CACNA1I: variants seen among roughly 807,000 people sequenced by gnomAD.
CACNA1I encodes the protein voltage-dependent T-type calcium channel subunit alpha-1I.
A neutral mutation model predicts 201.6 loss-of-function variants in CACNA1I; 74 were observed. The observed-to-expected ratio is 0.37, with a 90% CI of 0.30 to 0.45. The LOEUF (loss-of-function observed/expected upper bound fraction) is 0.45. CACNA1I is among the 20% of genes least tolerant of loss of function. The probability of loss-of-function intolerance (pLI) is 1.00; values close to 1 mark genes in which losing one functional copy is unlikely to be tolerated. For synonymous variants in CACNA1I, 1,431 were observed against 1,345.2 expected (o/e 1.06, Z -1.40); for missense variants, 2,346 against 3,138.1 (o/e 0.75, Z 6.03).
chr22:39,600,296 T>C (rs958611012), intron 2 of CACNA1I, among the ~76,000 whole-genome samples: 7 of 152,134 alleles, frequency 4.6e-5, no homozygotes, highest in African/African-American at 9.7e-5. Flanking sequence ...TGTATGACCT[T>C]GGGCAAACTC....
At chr22:39,571,141 G>T (rs1439300747) in intron 1 of CACNA1I, 153 bp downstream of exon 1, 1 of 677,678 alleles carries the variant, frequency 1.5e-6, no homozygotes, top group Non-Finnish European at 2.6e-6. Context: ...GAGCTCAGAG[G>T]GTGGGTCTGG....
In CACNA1I at chr22:39,622,277, C is replaced by A. The variant is rs557766889; in HGVS notation, c.580+2870C>A. ...GAGCTATACATGCTCCTGTGCCGGG[C>A]ATGAGGAGGCAGGGAGAATGGGGCT... On this transcript the variant is annotated intron_variant, in intron 4 of 36. Transcript: ENST00000402142. Among the ~76,000 whole-genome samples the A allele has an allele frequency of 2.6e-4, 40 of 151,274 alleles. No individual in the cohort carries two copies. The South Asian group carries it at 8.4e-3, about 32-fold the overall frequency.
At chr22:39,623,335 C>A (rs187382223) in intron 4 of CACNA1I, among the ~76,000 whole-genome samples, 1 of 151,690 alleles carries the variant, frequency 6.6e-6, no homozygotes, top group African/African-American at 2.4e-5. Flanking sequence ...AGTGTGTGTG[C>A]ATGTGACAAT....
At chr22:39,591,102 T>A (rs924103773) in intron 1 of CACNA1I, among the ~76,000 whole-genome samples, 1 of 151,722 alleles carries the variant, frequency 6.6e-6, no homozygotes, top group Non-Finnish European at 1.5e-5. Context: ...TCCTCCTGCC[T>A]TGCCCTCCCA....
Position 39,576,940 on chromosome 22 carries a change from C to T in CACNA1I, c.236+5952C>T, listed in dbSNP as rs1377999404. Among the ~76,000 whole-genome samples, 3 of 149,914 alleles carry T rather than the reference C, an allele frequency of 2.0e-5. No individual in the cohort carries two copies. The East Asian group carries it at 5.8e-4, about 29-fold the overall frequency. On this transcript the variant is annotated intron_variant, in intron 1 of 36. Coordinates refer to ENST00000402142, the MANE Select transcript of CACNA1I (RefSeq NM_021096.4). Reference sequence around the variant, plus strand: ...CCTGCCAGTGCTGGGGTCTGGATGTCTGTGCTTCTTCTTCTTCTTCTTTTT... The same window carrying T: ...CCTGCCAGTGCTGGGGTCTGGATGTTTGTGCTTCTTCTTCTTCTTCTTTTT...
chr22:39,686,536 C>A lies in CACNA1I; in HGVS notation c.*131C>A. 1 of 671,142 alleles carries A rather than the reference C, an allele frequency of 1.5e-6. No individual in the cohort carries two copies. Among genetic ancestry groups the A allele is most frequent in the Non-Finnish European group, 2.0e-6 (1 of 491,666 alleles). The allele number at this position is 671,142 out of a possible 1,614,324, so 41.6% of individuals were successfully genotyped here. A position where few individuals can be genotyped will look rare whatever the true frequency, so the allele number is the denominator to read the frequency against. ...GGGCCCGCAGGGCACAGGCGCCCGA[C>A]AGCCGGGCTGAGCGGAGTCTGGGTT... On this transcript the variant is annotated 3_prime_UTR_variant, in exon 37 of 37. Transcript: ENST00000402142.
intron 10 of CACNA1I, among the ~76,000 whole-genome samples, chr22:39,652,452 G>T (rs1254218534): frequency 1.3e-5 from 2 of 152,202 alleles, no homozygotes; most frequent in Admixed American, 1.3e-4. Context: ...ACAGGGACAG[G>T]CCACCATTTA....
In CACNA1I at chr22:39,619,397, C is replaced by T; in HGVS notation, c.570C>T (p.Asn190=). ...TCCTGAGGCCCCTCAAAGCCATCAA[C>T]CGCGTGCCCAGTGAGTCAGCCCCGC... The part of the protein sequence containing the change: ...VRVLRPLKAI[N]RVPSMRILVN... The change falls in exon 4 of 37, where the codon AAC becomes AAT. Residue 190 remains asparagine (N), a synonymous_variant. Transcript: ENST00000402142. The T allele has an allele frequency of 6.2e-7, 1 of 1,607,494 alleles. No individual in the cohort carries two copies.
intron 27 of CACNA1I, 40 bp downstream of exon 27, chr22:39,672,348 C>A: frequency 1.5e-6 from 2 of 1,336,872 alleles, no homozygotes; most frequent in African/African-American, 1.4e-5. Context: ...ATAGGGTAGA[C>A]TGCAGGATGA....
intron 3 of CACNA1I, among the ~76,000 whole-genome samples, chr22:39,605,725 G>A (rs1933202857): frequency 6.6e-6 from 1 of 152,176 alleles, no homozygotes; most frequent in African/African-American, 2.4e-5. Flanking sequence ...ATTGGGGGGT[G>A]TCACTGTATG....
rs753699868 is a variant in CACNA1I at position 39,662,267 on chromosome 22, C to T, written c.3204C>T (p.Ala1068=). 5 of 1,518,806 alleles carry T rather than the reference C, an allele frequency of 3.3e-6. No homozygotes were observed. The South Asian group carries it at 6.1e-5, about 19-fold the overall frequency. 94.1% of individuals were successfully genotyped at this position (1,518,806 alleles called of 1,614,324 possible). The change falls in exon 17 of 37, where the codon GCC becomes GCT. Residue 1068 remains alanine (A), a synonymous_variant. Coordinates refer to ENST00000402142, the MANE Select transcript of CACNA1I (RefSeq NM_021096.4). ...SLDNRDSVDL[A]ELVPAVGAHP... ...ACAACAGGGACTCGGTGGACCTGGC[C>T]GAGCTGGTGCCCGCGGTGGGCGCCC...
At chr22:39,610,624 A>T (rs913428990) in intron 3 of CACNA1I, among the ~76,000 whole-genome samples, 1 of 152,176 alleles carries the variant, frequency 6.6e-6, no homozygotes, top group African/African-American at 2.4e-5. Context: ...GAAACCCTGA[A>T]TCTGGTTTAA....
At chr22:39,634,852 G>A in intron 5 of CACNA1I, 128 bp downstream of exon 5, 1 of 845,218 alleles carries the variant, frequency 1.2e-6, no homozygotes, top group Non-Finnish European at 1.8e-6. Flanking sequence ...TCAGGTAGGA[G>A]GGGAAAGGGA....
At chr22:39,582,663 GAACCCTGGAGCTAACATTTACTGA>G (rs1405474742) in intron 1 of CACNA1I, among the ~76,000 whole-genome samples, 2 of 151,902 alleles carry the variant, frequency 1.3e-5, no homozygotes, top group East Asian at 3.9e-4. Context: ...ACTTGGATTA[GAACCCTGGAGCTAACATTTACTGA>G]AATGTCACAT....
intron 1 of CACNA1I, among the ~76,000 whole-genome samples, chr22:39,584,313 TG>T (rs950734553): frequency 6.6e-6 from 1 of 151,666 alleles, no homozygotes; most frequent in African/African-American, 2.4e-5. Context: ...GGACTGGTGA[TG>T]GGGGTGCATC....
intron 1 of CACNA1I, among the ~76,000 whole-genome samples, chr22:39,590,151 G>A (rs751798488): frequency 1.5e-4 from 23 of 152,208 alleles, no homozygotes; most frequent in Non-Finnish European, 3.1e-4. Flanking sequence ...TGCTCTTCTA[G>A]CTGGGAACTG....
Position 39,682,488 on chromosome 22 carries a change from C to G in CACNA1I, c.5665-8C>G. ...GTCCTGCCCCATCCTACCTCCCTTTCCTTGCAGGGTGAGCTGGACCCACCT... is the reference window on the plus strand; with the variant it reads ...GTCCTGCCCCATCCTACCTCCCTTTGCTTGCAGGGTGAGCTGGACCCACCT... On this transcript the variant is annotated splice_region_variant and splice_polypyrimidine_tract_variant and intron_variant, in intron 34 of 36. Transcript: ENST00000402142. 1 of 1,612,536 alleles carries G rather than the reference C, an allele frequency of 6.2e-7. No individual in the cohort carries two copies. The highest frequency in any genetic ancestry group is 8.5e-7 in the Non-Finnish European group (1 of 1,179,086).
At chr22:39,593,341 C>T (rs539097781) in intron 1 of CACNA1I, among the ~76,000 whole-genome samples, 21 of 152,248 alleles carry the variant, frequency 1.4e-4, no homozygotes, top group Admixed American at 4.6e-4. Context: ...GGTACACAGT[C>T]GTCAGAGGTA....
chr22:39,609,783 G>A (rs1193829837), intron 3 of CACNA1I, among the ~76,000 whole-genome samples: 1 of 152,186 alleles, frequency 6.6e-6, no homozygotes, highest in Non-Finnish European at 1.5e-5. Context: ...CATCATGGGG[G>A]CACTCCGAGT....
Sources: allele counts gnomAD v4.1 joint callset (sites outside exome capture counted in the v4.1 genomes callset), GRCh38; gene constraint gnomAD v4.1.1; transcripts MANE v1.5; gene names NCBI Gene and HGNC (gene_info 2026-07-23, HGNC 2026-07-21).